The following TBC1D5 variants were observed in gnomAD, a reference collection of about 807,000 sequenced individuals.
TBC1D5 encodes TBC1 domain family, member 5.
In TBC1D5, 75 loss-of-function variants were observed where a neutral mutation model predicts 100.3. That is an observed-to-expected ratio of 0.75 (90% CI 0.62 to 0.91). The LOEUF (loss-of-function observed/expected upper bound fraction) is 0.91, where lower values mean the gene tolerates loss of function less well. Among genes scored for constraint, TBC1D5 ranks in the 40% least tolerant of loss-of-function variants. The pLI, the probability that TBC1D5 is intolerant of heterozygous loss-of-function variation, is 0.00. For synonymous variants in TBC1D5, 323 were observed against 325.6 expected (o/e 0.99, Z 0.09); for missense variants, 910 against 942.4 (o/e 0.97, Z 0.45).
At chr3:17,710,446 C>G in intron 1 of TBC1D5, among the ~76,000 whole-genome samples, 1 of 151,888 alleles carries the variant, frequency 6.6e-6, no homozygotes, top group Non-Finnish European at 1.5e-5. Flanking sequence ...TGATTGTAAT[C>G]CCAGCTACTT....
chr3:17,310,774 T>C (rs1419612849), intron 13 of TBC1D5, among the ~76,000 whole-genome samples: 1 of 152,030 alleles, frequency 6.6e-6, no homozygotes, highest in Non-Finnish European at 1.5e-5. Context: ...TGTTAATAAG[T>C]TGTACATGAG....
At chr3:17,538,151 C>G (rs2096303650) in intron 2 of TBC1D5, among the ~76,000 whole-genome samples, 1 of 152,134 alleles carries the variant, frequency 6.6e-6, no homozygotes, top group East Asian at 1.9e-4. Flanking sequence ...CCCCCACCCC[C>G]TGTTGCCCCC....
chr3:17,372,327 G>A, intron 12 of TBC1D5, 80 bp from the exon 13 acceptor site: 2 of 1,288,234 alleles, frequency 1.6e-6, no homozygotes, highest in Non-Finnish European at 2.1e-6. Flanking sequence ...ATCAATGACA[G>A]TTTAAACAAG....
At chr3:17,395,222 G>A (rs555359166) in intron 8 of TBC1D5, among the ~76,000 whole-genome samples, 6 of 151,918 alleles carry the variant, frequency 3.9e-5, no homozygotes, top group Admixed American at 1.3e-4. Flanking sequence ...TACAATGCCT[G>A]AGTCACTTAA....
At position 17,375,538 on chromosome 3, in the gene TBC1D5, C is replaced by A. The variant is rs1359354050; in HGVS notation, c.702-859G>T. Among the ~76,000 whole-genome samples, 2 of 150,312 alleles carry A rather than the reference C, an allele frequency of 1.3e-5. 1 individual carries two copies. On this transcript the variant is annotated intron_variant, in intron 10 of 21. Coordinates refer to ENST00000253692, the Ensembl canonical transcript of TBC1D5. ...GCCGAGATAGCACTGCTGCATAGAG[C>A]AAGACTCTGTCTCAAAACATAAAAT... is the stretch of plus-strand genomic sequence containing the variant.
chr3:17,391,270 C>T (rs1268985371), intron 8 of TBC1D5, among the ~76,000 whole-genome samples: 1 of 152,070 alleles, frequency 6.6e-6, no homozygotes, highest in African/African-American at 2.4e-5. Flanking sequence ...AAAGTATCTT[C>T]TGAAGGAGGA....
intron 13 of TBC1D5, among the ~76,000 whole-genome samples, chr3:17,361,975 A>G (rs2151892730): frequency 6.6e-6 from 1 of 152,296 alleles, no homozygotes; most frequent in South Asian, 2.1e-4. Flanking sequence ...GATCAATTTT[A>G]TTGATAAACT....
At chr3:17,508,253 G>A (rs369541101) in intron 3 of TBC1D5, among the ~76,000 whole-genome samples, 21 of 152,286 alleles carry the variant, frequency 1.4e-4, no homozygotes, top group South Asian at 2.1e-4. Context: ...ACGACAGTGC[G>A]TTAAACATTT....
intron 19 of TBC1D5, among the ~76,000 whole-genome samples, chr3:17,168,649 A>G (rs944947622): frequency 1.5e-4 from 23 of 152,174 alleles, no homozygotes; most frequent in African/African-American, 5.3e-4. Flanking sequence ...GGGAAGTACA[A>G]GAGGATGTGC....
chr3:17,343,396 A>T (rs2089321857), intron 13 of TBC1D5, among the ~76,000 whole-genome samples: 1 of 151,858 alleles, frequency 6.6e-6, no homozygotes, highest in Non-Finnish European at 1.5e-5. Flanking sequence ...TTTTCGCATC[A>T]ATGTTCATCA....
At chr3:17,525,638 A>AT in intron 2 of TBC1D5, among the ~76,000 whole-genome samples, 1 of 152,186 alleles carries the variant, frequency 6.6e-6, no homozygotes, top group South Asian at 2.1e-4. Flanking sequence ...CTATGGTTCC[A>AT]TAATACTTAC....
chr3:17,282,553 A>C lies in TBC1D5; in HGVS notation c.1245+9342T>G, dbSNP rs544741515. 5.6e-4 allele frequency among the ~76,000 whole-genome samples: 86 copies of C among 152,278 alleles called. 1 individual carries two copies. Among genetic ancestry groups the C allele is most frequent in the Middle Eastern group, 6.8e-3 (2 of 294 alleles). The stretch of plus-strand genomic sequence containing the variant: ...TTAAGGAAAAATAAATCACAATTCT[A>C]ATGAGTTAAGTTGTGTCTCACTAAA... On this transcript the variant is annotated intron_variant, in intron 15 of 21. Coordinates refer to ENST00000253692, the Ensembl canonical transcript of TBC1D5.
chr3:17,480,466 T>G (rs1472415728), intron 3 of TBC1D5, among the ~76,000 whole-genome samples: 1 of 152,186 alleles, frequency 6.6e-6, no homozygotes, highest in African/African-American at 2.4e-5. Flanking sequence ...CAGCATGTAC[T>G]TCCTCCCTTC....
intron 2 of TBC1D5, among the ~76,000 whole-genome samples, chr3:17,588,696 G>A (rs998482065): frequency 2.6e-5 from 4 of 152,046 alleles, no homozygotes; most frequent in Non-Finnish European, 5.9e-5. Context: ...ATCCCATTGA[G>A]AGCACTAATT....
intron 1 of TBC1D5, among the ~76,000 whole-genome samples, chr3:17,673,829 C>G (rs2068274203): frequency 6.6e-6 from 1 of 152,124 alleles, no homozygotes; most frequent in Non-Finnish European, 1.5e-5. Flanking sequence ...GATTTAGTAA[C>G]AATTTCAAGT....
chr3:17,694,095 C>T (rs1346775035), intron 1 of TBC1D5, among the ~76,000 whole-genome samples: 3 of 152,180 alleles, frequency 2.0e-5, no homozygotes, highest in Non-Finnish European at 4.4e-5. Flanking sequence ...TGCAGGTCAC[C>T]AACATCAAAG....
intron 18 of TBC1D5, 116 bp downstream of exon 19, chr3:17,214,091 T>C: frequency 1.0e-6 from 1 of 979,812 alleles, no homozygotes; most frequent in Non-Finnish European, 1.4e-6. Context: ...TAATTCCTTT[T>C]AGTCCATAAA....
At chr3:17,614,534 C>T (rs1055385083) in intron 2 of TBC1D5, among the ~76,000 whole-genome samples, 3 of 152,142 alleles carry the variant, frequency 2.0e-5, no homozygotes, top group Non-Finnish European at 2.9e-5. Context: ...GAATGTTCCT[C>T]CATTTGTTTC....
chr3:17,639,478 A>C (rs546360484), intron 1 of TBC1D5, among the ~76,000 whole-genome samples: 25 of 152,148 alleles, frequency 1.6e-4, no homozygotes, highest in Admixed American at 5.9e-4. Flanking sequence ...AAAAAAAAAA[A>C]AACTATGAAT....
Sources: allele counts gnomAD v4.1 joint callset (sites outside exome capture counted in the v4.1 genomes callset), GRCh38; gene constraint gnomAD v4.1.1; transcripts MANE v1.5; gene names NCBI Gene and HGNC (gene_info 2026-07-23, HGNC 2026-07-21).